Variants in FEZ1 observed in about 807,000 individuals in gnomAD.
The protein encoded by FEZ1 is fasciculation and elongation protein zeta-1.
Under a neutral mutation model 49.3 loss-of-function variants are expected in FEZ1, and 20 were observed. That is an observed-to-expected ratio of 0.41 (90% CI 0.29 to 0.59). FEZ1 has a LOEUF of 0.59. Ranked by LOEUF, FEZ1 falls within the 20% of genes least tolerant of loss-of-function variation. FEZ1 has a pLI of 0.36. For synonymous variants in FEZ1, 170 were observed against 180.9 expected (o/e 0.94, Z 0.48); for missense variants, 413 against 476.0 (o/e 0.87, Z 1.23).
rs1031008971 is a variant in FEZ1, at chr11:125,489,211, T to C, written c.311+256A>G. ...GATAGACAGACCCTGAAATTTACTG[T>C]GCTCCTGAAATTCCATTTTGTATCT... On this transcript the variant is annotated intron_variant, in intron 2 of 9. Transcript: ENST00000278919. The surrounding 1 kb of genome is among the most constrained non-coding windows in gnomAD (Gnocchi z 4.2). The C allele has an allele frequency of 8.8e-7, 1 of 1,141,554 alleles. No homozygotes were observed. Among genetic ancestry groups the C allele is most frequent in the Admixed American group, 4.7e-5 (1 of 21,204 alleles). The allele number at this position is 1,141,554 out of a possible 1,614,324, so 70.7% of individuals were successfully genotyped here.
rs574143938 is a variant in FEZ1 at position 125,470,547 on chromosome 11, T to C, written c.412-6977A>G. Among the ~76,000 whole-genome samples, 7 of 152,334 alleles carry C rather than the reference T, an allele frequency of 4.6e-5. No individual in the cohort carries two copies. In the South Asian group the frequency reaches 1.5e-3, roughly 32 times the overall value. On this transcript the variant is annotated intron_variant, in intron 3 of 9. Transcript: ENST00000278919. Reference sequence around the variant, plus strand: ...TAACTGGTATTGGACTTATCCCTCCTACCATAAACAACTACAATCTGGACA... The same window carrying C: ...TAACTGGTATTGGACTTATCCCTCCCACCATAAACAACTACAATCTGGACA...
At chr11:125,446,835 A>T (rs1012242670) in intron 9 of FEZ1, among the ~76,000 whole-genome samples, 11 of 147,442 alleles carry the variant, frequency 7.5e-5, no homozygotes, top group African/African-American at 2.2e-4. Context: ...GCACCACTAC[A>T]CCTGGCTGAT....
chr11:125,455,934 C>G lies in FEZ1; in HGVS notation c.840G>C (p.Lys280Asn), dbSNP rs1957006464. The G allele has an allele frequency of 6.2e-7, 1 of 1,613,524 alleles. No individual in the cohort carries two copies. The highest frequency in any genetic ancestry group is 8.5e-7 in the Non-Finnish European group (1 of 1,179,938). ...TCATCAGTTCTCGCTGCTCCTTCTGCTTGTTCTGAACCTCAATAAGCACCG... is the reference window on the plus strand; with the variant it reads ...TCATCAGTTCTCGCTGCTCCTTCTGGTTGTTCTGAACCTCAATAAGCACCG... ...FITVLIEVQNKQKEQRELMKK... is the reference protein window; with the variant it reads ...FITVLIEVQNNQKEQRELMKK... Residue 280 changes from lysine to asparagine, a missense_variant, in exon 6 of 10, where the codon AAG (lysine) becomes AAC (asparagine). Physicochemically the swap from Lys to Asn is moderately conservative, Grantham distance 94. Transcript: ENST00000278919.
chr11:125,447,540 G>A (rs936056041), intron 9 of FEZ1, among the ~76,000 whole-genome samples: 1 of 152,180 alleles, frequency 6.6e-6, no homozygotes. Context: ...AGAAACTCTT[G>A]GCTGGGCACA....
chr11:125,474,191 A>ATTTTTTTTTT (rs34135138), intron 3 of FEZ1, among the ~76,000 whole-genome samples: 11 of 128,442 alleles, frequency 8.6e-5, no homozygotes, highest in African/African-American at 2.7e-4. Context: ...TGCCAGGCTA[A>ATTTTTTTTTT]TTTTTTTTTT....
intron 3 of FEZ1, among the ~76,000 whole-genome samples, chr11:125,474,926 C>T (rs1433196298): frequency 2.0e-5 from 3 of 151,764 alleles, no homozygotes; most frequent in African/African-American, 7.3e-5. Flanking sequence ...ATACTAAGAA[C>T]ACAAACAATG....
At chr11:125,453,678 G>C (rs1285610319) in intron 7 of FEZ1, 1 of 153,210 alleles carries the variant, frequency 6.5e-6, no homozygotes, top group Non-Finnish European at 1.5e-5. Flanking sequence ...CTATGTCACA[G>C]GGAAATTACT....
chr11:125,446,972 A>G (rs1956904892), intron 9 of FEZ1, among the ~76,000 whole-genome samples: 1 of 152,168 alleles, frequency 6.6e-6, no homozygotes, highest in South Asian at 2.1e-4. Flanking sequence ...GAAACAATAT[A>G]TCTCAGGATT....
chr11:125,444,985 G>A lies in FEZ1; in HGVS notation c.*1110C>T, dbSNP rs370372004. Among the ~76,000 whole-genome samples the A allele has an allele frequency of 2.0e-4, 31 of 152,330 alleles. No homozygotes were observed. Among genetic ancestry groups the A allele is most frequent in the African/African-American group, 7.2e-4 (30 of 41,566 alleles). ...TTTTTGCTTTCAGAGGAGGATATGG[G>A]AATTGGCAGGCTCAATGTCTTTCAA... On this transcript the variant is annotated 3_prime_UTR_variant, in exon 10 of 10. Coordinates refer to ENST00000278919, the MANE Select transcript of FEZ1 (RefSeq NM_005103.5).
At chr11:125,482,736 G>T (rs532924166) in intron 2 of FEZ1, among the ~76,000 whole-genome samples, 100 of 152,024 alleles carry the variant, frequency 6.6e-4, no homozygotes, top group Non-Finnish European at 1.2e-3. Context: ...GGCCAAGATG[G>T]GCAGATCGCT....
At chr11:125,471,431 T>TACACACAC (rs34965918) in intron 3 of FEZ1, among the ~76,000 whole-genome samples, 21 of 147,990 alleles carry the variant, frequency 1.4e-4, no homozygotes, top group African/African-American at 4.9e-4. Flanking sequence ...TTGAGATAGA[T>TACACACAC]ACACACACAC....
intron 5 of FEZ1, among the ~76,000 whole-genome samples, chr11:125,458,976 G>A (rs888045554): frequency 1.3e-5 from 2 of 152,178 alleles, no homozygotes; most frequent in East Asian, 3.9e-4. Context: ...TGAGGCAGGA[G>A]AACTGCTTGA....
At chr11:125,477,016 C>G (rs1225629214) in intron 3 of FEZ1, among the ~76,000 whole-genome samples, 1 of 151,944 alleles carries the variant, frequency 6.6e-6, no homozygotes, top group Non-Finnish European at 1.5e-5. Flanking sequence ...AATGACCAGA[C>G]CAGTTTGTAG....
intron 4 of FEZ1, among the ~76,000 whole-genome samples, chr11:125,461,225 G>C (rs907946187): frequency 2.0e-5 from 3 of 152,212 alleles, no homozygotes; most frequent in Admixed American, 6.5e-5. Context: ...GCAGCAAATA[G>C]ATAAGAACCC....
Position 125,448,518 on chromosome 11 carries a change from C to T in FEZ1, c.1146G>A (p.Thr382=), listed in dbSNP as rs368387977. Residue 382 remains threonine, a synonymous_variant, in exon 9 of 10, where the codon ACG becomes ACA. Transcript: ENST00000278919. ...TGCTCTTACCTTTTAAAATGTAGTC[C>T]GTTAGCAAAGTAGGCACCTTCTCAT... is the stretch of plus-strand genomic sequence containing the variant. The part of the protein sequence containing the change: ...EDNEKVPTLL[T]DYILKVLCPT 16 of 1,611,704 alleles carry T rather than the reference C, an allele frequency of 9.9e-6. No homozygotes were observed. The highest frequency in any genetic ancestry group is 5.3e-5 in the African/African-American group (4 of 75,004).
intron 3 of FEZ1, among the ~76,000 whole-genome samples, chr11:125,468,074 T>C (rs1957149304): frequency 6.6e-6 from 1 of 152,228 alleles, no homozygotes; most frequent in African/African-American, 2.4e-5. Context: ...CCTAAAAATG[T>C]AAATGTACAT....
At chr11:125,486,229 G>T (rs1166614876) in intron 2 of FEZ1, among the ~76,000 whole-genome samples, 1 of 152,124 alleles carries the variant, frequency 6.6e-6, no homozygotes, top group Non-Finnish European at 1.5e-5. Context: ...AACAGCCATT[G>T]CATGGTTAGC....
At position 125,488,694 on chromosome 11, in the gene FEZ1, C is replaced by A. The variant is rs531312; in HGVS notation, c.311+773G>T. 0.19 allele frequency: 182,750 copies of A among 981,556 alleles called. 17,408 individuals carry two copies. The highest frequency in any genetic ancestry group is 0.22 in the African/African-American group (12,721 of 57,102). The allele number at this position is 981,556 out of a possible 1,614,324, so 60.8% of individuals were successfully genotyped here. On this transcript the variant is annotated intron_variant, in intron 2 of 9. Transcript: ENST00000278919. ...AACTTCATCTCAAAAAAAAACAAAA[C>A]AAAACAAAACAAAAAAACACATCCC...
At chr11:125,471,844 C>G (rs981846703) in intron 3 of FEZ1, among the ~76,000 whole-genome samples, 1 of 152,076 alleles carries the variant, frequency 6.6e-6, no homozygotes, top group Non-Finnish European at 1.5e-5. Flanking sequence ...ATTACATTCA[C>G]TAAGACGTAC....
Sources: gnomAD v4.1 joint callset for allele counts (sites outside exome capture counted in the v4.1 genomes callset) on GRCh38, gnomAD v4.1.1 for gene constraint, Gnocchi (gnomAD v3.1) non-coding constraint, MANE v1.5 for transcripts, NCBI Gene and HGNC (gene_info 2026-07-23, HGNC 2026-07-21) for gene names.